Variants in CNTNAP2 observed in about 807,000 individuals in gnomAD.
CNTNAP2 encodes contactin associated protein 2.
In CNTNAP2, 98 loss-of-function variants were observed where a neutral mutation model predicts 155.2. That is an observed-to-expected ratio of 0.63 (90% CI 0.54 to 0.75). The LOEUF (loss-of-function observed/expected upper bound fraction) is 0.75, where lower values mean the gene tolerates loss of function less well. Among genes scored for constraint, CNTNAP2 ranks in the 30% least tolerant of loss-of-function variants. CNTNAP2 has a pLI of 0.00. For synonymous variants in CNTNAP2, 651 were observed against 631.2 expected (o/e 1.03, Z -0.47); for missense variants, 1,727 against 1,688.1 (o/e 1.02, Z -0.40).
intron 13 of CNTNAP2, among the ~76,000 whole-genome samples, chr7:147,779,529 G>C (rs983488748): frequency 3.9e-5 from 6 of 152,148 alleles, no homozygotes; most frequent in Non-Finnish European, 5.9e-5. Flanking sequence ...ATGGTTTATA[G>C]TTTATTATGA....
chr7:146,900,788 A>C (rs1795975978), intron 3 of CNTNAP2, among the ~76,000 whole-genome samples: 1 of 152,106 alleles, frequency 6.6e-6, no homozygotes, highest in Admixed American at 6.5e-5. Flanking sequence ...ACTGAATTTC[A>C]TTACACTCCT....
chr7:147,603,864 T>C (rs62483180), intron 12 of CNTNAP2, among the ~76,000 whole-genome samples: 5 of 151,040 alleles, frequency 3.3e-5, no homozygotes, highest in South Asian at 4.2e-4. Flanking sequence ...GTACTGGTAC[T>C]AAAACAGAGA....
chr7:146,418,945 C>T (rs1795973534), intron 1 of CNTNAP2, among the ~76,000 whole-genome samples: 1 of 152,098 alleles, frequency 6.6e-6, no homozygotes, highest in Non-Finnish European at 1.5e-5. Flanking sequence ...AAATATTCTC[C>T]TTCACTGTAG....
intron 16 of CNTNAP2, among the ~76,000 whole-genome samples, chr7:148,125,807 T>G (rs1201140427): frequency 6.6e-6 from 1 of 151,804 alleles, no homozygotes; most frequent in Admixed American, 6.6e-5. Context: ...GTTCAAGTGA[T>G]TCTCCTGCCT....
chr7:147,013,009 T>G (rs1364770824), intron 3 of CNTNAP2, among the ~76,000 whole-genome samples: 4 of 152,122 alleles, frequency 2.6e-5, no homozygotes, highest in Non-Finnish European at 5.9e-5. Context: ...TTTACCAAAG[T>G]TCTTTTAAAA....
intron 3 of CNTNAP2, among the ~76,000 whole-genome samples, chr7:146,973,863 C>A (rs1016782486): frequency 2.6e-5 from 4 of 152,098 alleles, no homozygotes; most frequent in Admixed American, 6.6e-5. Context: ...AAGAAATAAT[C>A]ATAATCTCTT....
At chr7:148,352,022 G>A (rs1260940773) in intron 21 of CNTNAP2, among the ~76,000 whole-genome samples, 4 of 152,126 alleles carry the variant, frequency 2.6e-5, no homozygotes, top group Admixed American at 6.5e-5. Flanking sequence ...CTATGTAGAG[G>A]CATAATATCC....
At chr7:146,645,865 T>A (rs1799802883) in intron 1 of CNTNAP2, among the ~76,000 whole-genome samples, 1 of 152,132 alleles carries the variant, frequency 6.6e-6, no homozygotes, top group African/African-American at 2.4e-5. Flanking sequence ...CTTCCAGATC[T>A]GTCTGTCTTC....
At chr7:147,656,922 C>T (rs79926569) in intron 13 of CNTNAP2, among the ~76,000 whole-genome samples, 15,758 of 152,118 alleles carry the variant, frequency 0.1, 991 homozygotes, top group Middle Eastern at 0.24. Flanking sequence ...TGTATCAGTG[C>T]CTATGTCTCT....
rs985168067 is a variant in CNTNAP2, at chr7:148,303,703, A to G, written c.3475+36577A>G. ...ATTAAGAAAAGCTCATTTTCTGGAA[A>G]TTGTCCTTATTGTCCTAATTGGGAA... On this transcript the variant is annotated intron_variant, in intron 21 of 23. Coordinates refer to ENST00000361727, the MANE Select transcript of CNTNAP2 (RefSeq NM_014141.6). Among the ~76,000 whole-genome samples, 11 of 152,326 alleles carry G rather than the reference A, an allele frequency of 7.2e-5. No individual in the cohort carries two copies. In the South Asian group the frequency reaches 2.3e-3, roughly 32 times the overall value.
intron 10 of CNTNAP2, among the ~76,000 whole-genome samples, chr7:147,473,747 A>G (rs1401109625): frequency 1.3e-5 from 2 of 152,206 alleles, no homozygotes; most frequent in Non-Finnish European, 2.9e-5. Flanking sequence ...GTGATTCTAC[A>G]TTTCTGTGGT....
chr7:146,663,558 C>T (rs549826352), intron 1 of CNTNAP2, among the ~76,000 whole-genome samples: 2 of 152,024 alleles, frequency 1.3e-5, no homozygotes, highest in South Asian at 4.2e-4. Context: ...TTAAATTTAT[C>T]TCTTTTATGT....
chr7:147,128,807 A>G lies in CNTNAP2; in HGVS notation c.1054A>G (p.Arg352Gly). ...YNGVNITDLA[R>G]RKKLEPSNVG... ...TGGCGTCAACATTACTGATCTTGCCAGAAGGAAGAAATTAGAGCCCTCAAA... is the reference window on the plus strand; with the variant it reads ...TGGCGTCAACATTACTGATCTTGCCGGAAGGAAGAAATTAGAGCCCTCAAA... The change falls in exon 7 of 24, where the codon AGA (arginine) becomes GGA (glycine). Residue 352 changes from arginine to glycine, a missense_variant. Arg to Gly is a moderately radical substitution (Grantham distance 125). Transcript: ENST00000361727. The G allele has an allele frequency of 3.1e-6, 5 of 1,614,098 alleles. No individual in the cohort carries two copies. The highest frequency in any genetic ancestry group is 4.2e-6 in the Non-Finnish European group (5 of 1,179,936).
intron 10 of CNTNAP2, among the ~76,000 whole-genome samples, chr7:147,427,569 T>C (rs572048150): frequency 6.6e-6 from 1 of 152,140 alleles, no homozygotes; most frequent in Non-Finnish European, 1.5e-5. Flanking sequence ...AGTCAGAGAT[T>C]GGGTGTTTTA....
chr7:147,786,475 T>C (rs1246768380), intron 13 of CNTNAP2, among the ~76,000 whole-genome samples: 1 of 152,036 alleles, frequency 6.6e-6, no homozygotes, highest in African/African-American at 2.4e-5. Flanking sequence ...CTTGAGGAGA[T>C]CAGGCATGAC....
intron 22 of CNTNAP2, among the ~76,000 whole-genome samples, chr7:148,395,521 C>T (rs886092245): frequency 1.3e-5 from 2 of 152,186 alleles, no homozygotes; most frequent in Non-Finnish European, 2.9e-5. Context: ...AGCCTTCCCA[C>T]ATCACTGAGA....
chr7:147,407,004 C>T (rs959470086), intron 10 of CNTNAP2, among the ~76,000 whole-genome samples: 17 of 152,258 alleles, frequency 1.1e-4, no homozygotes, highest in African/African-American at 3.9e-4. Context: ...TTGGCATAGT[C>T]CCAGACAGGC....
chr7:146,143,272 G>C (rs1188157240), intron 1 of CNTNAP2, among the ~76,000 whole-genome samples: 5 of 152,076 alleles, frequency 3.3e-5, no homozygotes, highest in Non-Finnish European at 7.4e-5. Flanking sequence ...AAAAGTCTTT[G>C]AAAATAAAGA....
At chr7:146,664,572 T>TCC (rs1800154800) in intron 1 of CNTNAP2, among the ~76,000 whole-genome samples, 1 of 152,244 alleles carries the variant, frequency 6.6e-6, no homozygotes. Context: ...TAAGGATTTT[T>TCC]GTATTCATAT....
Sources: allele counts gnomAD v4.1 joint callset (sites outside exome capture counted in the v4.1 genomes callset), GRCh38; gene constraint gnomAD v4.1.1; transcripts MANE v1.5; gene names NCBI Gene and HGNC (gene_info 2026-07-23, HGNC 2026-07-21).